CDC73: variants seen among roughly 807,000 people sequenced by gnomAD.
CDC73 encodes cell division cycle 73, also known as parafibromin.
A neutral mutation model predicts 83.7 loss-of-function variants in CDC73; 21 were observed. The ratio of observed to expected loss-of-function variants is 0.25; its 90% CI spans 0.18 to 0.36. The LOEUF is 0.36. Ranked by LOEUF, CDC73 falls within the 10% of genes least tolerant of loss-of-function variation. The probability of loss-of-function intolerance (pLI) is 1.00; values close to 1 mark genes in which losing one functional copy is unlikely to be tolerated. For missense variants in CDC73, 342 were observed against 653.3 expected (o/e 0.52, Z 5.19); for synonymous variants, 224 against 212.9 (o/e 1.05, Z -0.45).
chr1:193,126,125 ATT>A (rs1374042675), intron 2 of CDC73, among the ~76,000 whole-genome samples: 26 of 152,106 alleles, frequency 1.7e-4, no homozygotes, highest in Admixed American at 1.7e-3. Context: ...CGCTAAAAGT[ATT>A]TATAGAGATG....
rs558503285 is a variant in CDC73, at chr1:193,226,641, A to G, written c.1155-6352A>G. Among the ~76,000 whole-genome samples, 269 of 152,318 alleles carry G rather than the reference A, an allele frequency of 1.8e-3. 1 individual carries two copies. The highest frequency in any genetic ancestry group is 3.1e-3 in the Non-Finnish European group (214 of 68,014). On this transcript the variant is annotated intron_variant, in intron 13 of 16. Coordinates refer to ENST00000367435, the MANE Select transcript of CDC73 (RefSeq NM_024529.5). ...CACATTTATTGACTTGTGTATGTTA[A>G]ACCATCCCTGCATCCTTGGTATGAA...
chr1:193,134,489 T>C (rs1675753529), intron 3 of CDC73, among the ~76,000 whole-genome samples: 1 of 151,986 alleles, frequency 6.6e-6, no homozygotes. Context: ...GCTAACATGG[T>C]GAAACCCCGT....
At chr1:193,223,652 C>T (rs138359554) in intron 13 of CDC73, among the ~76,000 whole-genome samples, 1 of 152,156 alleles carries the variant, frequency 6.6e-6, no homozygotes, top group Non-Finnish European at 1.5e-5. Flanking sequence ...CTACCTTGAG[C>T]AGAATTTGGA....
intron 13 of CDC73, among the ~76,000 whole-genome samples, chr1:193,226,407 C>T (rs78786305): frequency 2.0e-5 from 3 of 152,042 alleles, no homozygotes; most frequent in Non-Finnish European, 2.9e-5. Context: ...AGTTTTCAGA[C>T]AGAACGCTTT....
intron 10 of CDC73, among the ~76,000 whole-genome samples, chr1:193,189,866 A>T (rs1455305159): frequency 6.6e-6 from 1 of 152,222 alleles, no homozygotes; most frequent in South Asian, 2.1e-4. Context: ...TAACTCATGG[A>T]GTTACATCAT....
In CDC73 at chr1:193,139,424, G is replaced by A. The variant is rs187894683; in HGVS notation, c.512+1251G>A. 7.3e-4 allele frequency among the ~76,000 whole-genome samples: 111 copies of A among 152,026 alleles called. 1 individual carries two copies. Among genetic ancestry groups the A allele is most frequent in the African/African-American group, 4.8e-4 (20 of 41,486 alleles). ...TGGGATTACAGGTGCATGCCACCAC[G>A]CCCAGCTAATTTTTGCATGTTTTGC... On this transcript the variant is annotated intron_variant, in intron 6 of 16. Coordinates refer to ENST00000367435, the MANE Select transcript of CDC73 (RefSeq NM_024529.5).
In CDC73 at chr1:193,147,860, A is replaced by G. The variant is rs745511437; in HGVS notation, c.730-7A>G. ...GTGGGCTTAATTAAAATCCATTTAT[A>G]TTTTAGAATTTTTCCAAGAACATTT... On this transcript the variant is annotated splice_region_variant and splice_polypyrimidine_tract_variant and intron_variant, in intron 7 of 16. Coordinates refer to ENST00000367435, the MANE Select transcript of CDC73 (RefSeq NM_024529.5). 9.3e-6 allele frequency: 14 copies of G among 1,510,642 alleles called. No homozygotes were observed. Among genetic ancestry groups the G allele is most frequent in the Non-Finnish European group, 1.3e-5 (14 of 1,090,988 alleles). The allele number at this position is 1,510,642 out of a possible 1,614,324, so 93.6% of individuals were successfully genotyped here. A position where few individuals can be genotyped will look rare whatever the true frequency, so the allele number is the denominator to read the frequency against.
intron 10 of CDC73, among the ~76,000 whole-genome samples, chr1:193,156,473 C>T (rs1449830068): frequency 2.0e-5 from 3 of 152,178 alleles, no homozygotes; most frequent in African/African-American, 4.8e-5. Context: ...TTTTGGGGAA[C>T]GATTTTTTTT....
chr1:193,225,413 G>C (rs1412130860), intron 13 of CDC73, among the ~76,000 whole-genome samples: 2 of 151,996 alleles, frequency 1.3e-5, no homozygotes, highest in Non-Finnish European at 2.9e-5. Flanking sequence ...TTTCTTCTGG[G>C]TAGATACTCA....
At chr1:193,204,551 A>C (rs1225920644) in intron 11 of CDC73, among the ~76,000 whole-genome samples, 1 of 152,068 alleles carries the variant, frequency 6.6e-6, no homozygotes, top group East Asian at 1.9e-4. Context: ...GGCCTCCCAA[A>C]GTGCTGGGAT....
At chr1:193,211,851 A>G (rs1677284992) in intron 11 of CDC73, among the ~76,000 whole-genome samples, 1 of 152,228 alleles carries the variant, frequency 6.6e-6, no homozygotes. Context: ...TGGATGTTGT[A>G]TATTCACTTT....
chr1:193,123,505 G>A (rs927811135), intron 1 of CDC73, among the ~76,000 whole-genome samples: 2 of 152,182 alleles, frequency 1.3e-5, no homozygotes, highest in Non-Finnish European at 2.9e-5. Flanking sequence ...TGGATTACAG[G>A]CGTGAGCCAC....
intron 10 of CDC73, among the ~76,000 whole-genome samples, chr1:193,159,409 C>T (rs1198235364): frequency 6.6e-6 from 1 of 152,110 alleles, no homozygotes; most frequent in African/African-American, 2.4e-5. Flanking sequence ...TTCACTGTCT[C>T]ACCCAGGCTG....
intron 10 of CDC73, chr1:193,179,638 C>A (rs771835753): frequency 6.6e-6 from 1 of 152,394 alleles, no homozygotes; most frequent in Non-Finnish European, 1.5e-5. Flanking sequence ...CATTTTACCA[C>A]GTCATGTCAA....
At chr1:193,197,307 T>C (rs1007752790) in intron 10 of CDC73, among the ~76,000 whole-genome samples, 4 of 152,154 alleles carry the variant, frequency 2.6e-5, no homozygotes, top group African/African-American at 9.7e-5. Flanking sequence ...TAGGTCATGG[T>C]ATATAATACT....
intron 15 of CDC73, among the ~76,000 whole-genome samples, chr1:193,237,355 C>T (rs1182720255): frequency 6.6e-6 from 1 of 151,964 alleles, no homozygotes; most frequent in Non-Finnish European, 1.5e-5. Context: ...ATATTACTGA[C>T]TGTAGGAAAT....
At chr1:193,206,182 A>G (rs1213661815) in intron 11 of CDC73, among the ~76,000 whole-genome samples, 1 of 152,122 alleles carries the variant, frequency 6.6e-6, no homozygotes, top group Non-Finnish European at 1.5e-5. Flanking sequence ...TGGCTAGGGG[A>G]AGATCATATG....
At chr1:193,210,349 A>G (rs879779485) in intron 11 of CDC73, among the ~76,000 whole-genome samples, 1 of 152,202 alleles carries the variant, frequency 6.6e-6, no homozygotes. Context: ...TAAAGATGGT[A>G]TCCATTTTTA....
At chr1:193,240,031 C>T (rs896239056) in intron 15 of CDC73, among the ~76,000 whole-genome samples, 1 of 152,108 alleles carries the variant, frequency 6.6e-6, no homozygotes, top group Admixed American at 6.5e-5. Flanking sequence ...CCCTTCCAAC[C>T]CTCTAGTATC....
Sources: allele counts gnomAD v4.1 joint callset (sites outside exome capture counted in the v4.1 genomes callset), GRCh38; gene constraint gnomAD v4.1.1; transcripts MANE v1.5; gene names NCBI Gene and HGNC (gene_info 2026-07-23, HGNC 2026-07-21).